PRKCG: variants seen among roughly 807,000 people sequenced by gnomAD.
PRKCG encodes the protein protein kinase C gamma type.
PRKCG carries 28 observed loss-of-function variants against 82.0 expected under a neutral mutation model. The ratio of observed to expected loss-of-function variants is 0.34; its 90% CI spans 0.25 to 0.47. The LOEUF is 0.47. PRKCG is among the 20% of genes least tolerant of loss of function. The pLI is 1.00. For synonymous variants in PRKCG, 383 were observed against 376.6 expected (o/e 1.02, Z -0.20); for missense variants, 640 against 952.7 (o/e 0.67, Z 4.32).
chr19:53,886,771 C>T (rs2068634527), intron 3 of PRKCG, among the ~76,000 whole-genome samples: 1 of 152,264 alleles, frequency 6.6e-6, no homozygotes, highest in Admixed American at 6.5e-5. Flanking sequence ...GGTTATTTTT[C>T]CCTGTCTATC....
chr19:53,885,918 G>T (rs1363567176), intron 3 of PRKCG, among the ~76,000 whole-genome samples: 2 of 148,116 alleles, frequency 1.4e-5, no homozygotes, highest in East Asian at 2.0e-4. Flanking sequence ...CACTCATCAA[G>T]ATTTTTTTTT....
Position 53,886,587 on chromosome 19 carries a change from T to A in PRKCG, c.285+2344T>A, listed in dbSNP as rs565183656. On this transcript the variant is annotated intron_variant, in intron 3 of 17. Coordinates refer to ENST00000263431, the MANE Select transcript of PRKCG (RefSeq NM_002739.5). Reference sequence around the variant, plus strand: ...CCTAGCTAATTAAAAAAAAATGTTTTTGTAGAGATGGAGTCTCACTCACTA... The same window carrying A: ...CCTAGCTAATTAAAAAAAAATGTTTATGTAGAGATGGAGTCTCACTCACTA... 1.6e-4 allele frequency among the ~76,000 whole-genome samples: 25 copies of A among 152,170 alleles called. No homozygotes were observed. In the East Asian group the frequency reaches 4.7e-3, roughly 28 times the overall value.
chr19:53,897,138 A>T (rs1352395306), intron 9 of PRKCG, among the ~76,000 whole-genome samples: 4 of 152,220 alleles, frequency 2.6e-5, no homozygotes, highest in Admixed American at 2.6e-4. Flanking sequence ...TGTCAGTCTC[A>T]GCCTGGCTCT....
At position 53,906,174 on chromosome 19, in the gene PRKCG, C is replaced by A. The variant is rs1156459078; in HGVS notation, c.1765-143C>A. On this transcript the variant is annotated intron_variant, in intron 16 of 17. Transcript: ENST00000263431. ...CCTTCCTCCCTCCATTTGCCTGTTT[C>A]CCCTGGCTGTTCTTATCTCTCCGGA... 12 of 992,066 alleles carry A rather than the reference C, an allele frequency of 1.2e-5. No individual in the cohort carries two copies. In the East Asian group the frequency reaches 3.4e-4, roughly 28 times the overall value. 61.5% of individuals were successfully genotyped at this position (992,066 alleles called of 1,614,324 possible).
At position 53,892,535 on chromosome 19, in the gene PRKCG, G is replaced by A. The variant is rs932630780; in HGVS notation, c.713G>A (p.Arg238His). Residue 238 changes from arginine to histidine, a missense_variant, in exon 7 of 18, where the codon CGC becomes CAC. Transcript: ENST00000263431. This position sits in a 1 kb window ranked among gnomAD's most constrained non-coding sequence, Gnocchi z 5.9. ...AACCTGAAGCCAGGGGATGTGGAGC[G>A]CCGGCTCAGCGTGGAGGTGTGGGAC... ...VFNLKPGDVE[R>H]RLSVEVWDWD... The A allele has an allele frequency of 3.5e-5, 56 of 1,612,726 alleles. No individual in the cohort carries two copies. The highest frequency in any genetic ancestry group is 4.5e-5 in the Non-Finnish European group (53 of 1,179,810).
chr19:53,881,917 G>A, upstream of PRKCG: 1 of 172,530 alleles, frequency 5.8e-6, no homozygotes, highest in Non-Finnish European at 1.2e-5. Flanking sequence ...GGAAGGAGAG[G>A]GGCAGGGTCA....
chr19:53,898,368 C>T (rs2068732737), intron 10 of PRKCG, 72 bp from the exon 11 acceptor site: 1 of 1,583,522 alleles, frequency 6.3e-7, no homozygotes, highest in Non-Finnish European at 8.7e-7. Context: ...CCCTGCGTCC[C>T]TTAGGGAGGG....
Position 53,882,358 on chromosome 19 carries a change from A to G in PRKCG, c.-137A>G. The G allele has an allele frequency of 7.7e-7, 1 of 1,295,606 alleles. No individual in the cohort carries two copies. The highest frequency in any genetic ancestry group is 1.1e-6 in the Non-Finnish European group (1 of 935,036). 80.3% of individuals were successfully genotyped at this position (1,295,606 alleles called of 1,614,324 possible). ...CCTGCCTGGCGCGCTCCGCACCTGG[A>G]GGTGCCTTGCCCCTCTCCTGCCCAC... On this transcript the variant is annotated 5_prime_UTR_variant, in exon 1 of 18. Coordinates refer to ENST00000263431, the MANE Select transcript of PRKCG (RefSeq NM_002739.5). This position sits in a 1 kb window ranked among gnomAD's most constrained non-coding sequence, Gnocchi z 6.1.
At position 53,906,341 on chromosome 19, in the gene PRKCG, C is replaced by T; in HGVS notation, c.1789C>T (p.Arg597Cys). 1.9e-6 allele frequency: 3 copies of T among 1,551,696 alleles called. No homozygotes were observed. The highest frequency in any genetic ancestry group is 2.6e-6 in the Non-Finnish European group (3 of 1,147,070). The stretch of plus-strand genomic sequence containing the variant: ...GTTCCTGACCAAGCACCCAGGGAAG[C>T]GCCTGGGCTCAGGGCCTGATGGGGA... ...KGFLTKHPGK[R>C]LGSGPDGEPT... The change falls in exon 17 of 18, where the codon CGC becomes TGC. Residue 597 changes from arginine to cysteine, a missense_variant. Coordinates refer to ENST00000263431, the MANE Select transcript of PRKCG (RefSeq NM_002739.5).
intron 9 of PRKCG, among the ~76,000 whole-genome samples, chr19:53,895,611 G>T (rs1182149929): frequency 6.6e-6 from 1 of 152,148 alleles, no homozygotes; most frequent in African/African-American, 2.4e-5. Context: ...TGTGTGTGGG[G>T]GTTCACCTGC....
intron 3 of PRKCG, among the ~76,000 whole-genome samples, chr19:53,885,990 C>T (rs1397426319): frequency 4.0e-5 from 6 of 149,298 alleles, no homozygotes; most frequent in African/African-American, 9.9e-5. Context: ...TGAACCTGAG[C>T]GGCAGAGGTT....
At position 53,884,503 on chromosome 19, in the gene PRKCG, G is replaced by A. The variant is rs1295251313; in HGVS notation, c.285+260G>A. ...ACTGAAGATGGGTGCTGCCGGGGGT[G>A]GGCTGTGATCCAGGGGTGAAGGGAT... On this transcript the variant is annotated intron_variant, in intron 3 of 17. Transcript: ENST00000263431. The surrounding 1 kb of genome is among the most constrained non-coding windows in gnomAD (Gnocchi z 4.6). Among the ~76,000 whole-genome samples, 6 of 152,144 alleles carry A rather than the reference G, an allele frequency of 3.9e-5. No individual in the cohort carries two copies. Among genetic ancestry groups the A allele is most frequent in the Admixed American group, 3.3e-4 (5 of 15,260 alleles).
Position 53,900,452 on chromosome 19 carries a change from C to T in PRKCG, c.1407C>T (p.Phe469=), listed in dbSNP as rs746663318. ...CGGCAGAAATCGCTATCGGCCTCTT[C>T]TTCCTTCACAATCAGGGCATCATCT... ...FYAAEIAIGL[F]FLHNQGIIYR... is the part of the protein sequence containing the mutation. The change falls in exon 13 of 18, where the codon TTC becomes TTT. Residue 469 remains phenylalanine, a synonymous_variant. Transcript: ENST00000263431. This position sits in a 1 kb window ranked among gnomAD's most constrained non-coding sequence, Gnocchi z 4.2. 2.5e-5 allele frequency: 40 copies of T among 1,614,074 alleles called. No individual in the cohort carries two copies. Among genetic ancestry groups the T allele is most frequent in the Non-Finnish European group, 3.1e-5 (37 of 1,180,052 alleles).
chr19:53,882,620 C>T lies in PRKCG; in HGVS notation c.126C>T (p.Phe42=). The part of the protein sequence containing the change: ...EVKSHKFTAR[F]FKQPTFCSHC... ...AGAGCCACAAGTTCACCGCTCGCTT[C>T]TTCAAGCAGCCCACCTTCTGCAGCC... The change falls in exon 1 of 18, where the codon TTC becomes TTT. Residue 42 remains phenylalanine, a synonymous_variant. Coordinates refer to ENST00000263431, the MANE Select transcript of PRKCG (RefSeq NM_002739.5). The surrounding 1 kb of genome is among the most constrained non-coding windows in gnomAD (Gnocchi z 6.1). 6.2e-7 allele frequency: 1 copy of T among 1,613,604 alleles called. No homozygotes were observed. Among genetic ancestry groups the T allele is most frequent in the Non-Finnish European group, 8.5e-7 (1 of 1,179,972 alleles).
rs1488959324 is a variant in PRKCG at position 53,892,778 on chromosome 19, ACACG to A, written c.821+139_821+142del. The A allele has an allele frequency of 1.5e-4, 136 of 928,876 alleles. No individual in the cohort carries two copies. The African/African-American group carries it at 2.3e-3, about 16-fold the overall frequency. 57.5% of individuals were successfully genotyped at this position (928,876 alleles called of 1,614,324 possible). ...CACACACACACACACACACACACAC[ACACG>A]CACACACACGCACACACCCCTCTCT... On this transcript the variant is annotated intron_variant, in intron 7 of 17. Coordinates refer to ENST00000263431, the MANE Select transcript of PRKCG (RefSeq NM_002739.5). This position sits in a 1 kb window ranked among gnomAD's most constrained non-coding sequence, Gnocchi z 5.9.
At position 53,883,326 on chromosome 19, in the gene PRKCG, G is replaced by A; in HGVS notation, c.202+132G>A. 8.9e-7 allele frequency: 1 copy of A among 1,118,740 alleles called. No individual in the cohort carries two copies. Among genetic ancestry groups the A allele is most frequent in the Non-Finnish European group, 1.3e-6 (1 of 758,968 alleles). The allele number at this position is 1,118,740 out of a possible 1,614,324, so 69.3% of individuals were successfully genotyped here. On this transcript the variant is annotated intron_variant, in intron 2 of 17. Coordinates refer to ENST00000263431, the MANE Select transcript of PRKCG (RefSeq NM_002739.5). This position sits in a 1 kb window ranked among gnomAD's most constrained non-coding sequence, Gnocchi z 5.4. ...GGGGGAGCCCGGGGCGGGGGGTGTGGCAGAGACACAGCCTGTGGTGGGGAG... is the reference window on the plus strand; with the variant it reads ...GGGGGAGCCCGGGGCGGGGGGTGTGACAGAGACACAGCCTGTGGTGGGGAG...
rs2068693216 is a variant in PRKCG, at chr19:53,893,236, G to A, written c.910-126G>A. On this transcript the variant is annotated intron_variant, in intron 8 of 17. Transcript: ENST00000263431. Reference sequence around the variant, plus strand: ...CTCTTCTAGGGGACTCGAGCCCCAGGGTCTGATGGGAATTATAGTTCCTAT... The same window carrying A: ...CTCTTCTAGGGGACTCGAGCCCCAGAGTCTGATGGGAATTATAGTTCCTAT... 38 of 1,302,052 alleles carry A rather than the reference G, an allele frequency of 2.9e-5. No individual in the cohort carries two copies. In the South Asian group the frequency reaches 4.2e-4, roughly 14 times the overall value. The allele number at this position is 1,302,052 out of a possible 1,614,324, so 80.7% of individuals were successfully genotyped here. A position where few individuals can be genotyped will look rare whatever the true frequency, so the allele number is the denominator to read the frequency against.
In PRKCG at chr19:53,906,102, TC is replaced by T. The variant is rs374655429; in HGVS notation, c.1765-214del. Reference sequence around the variant, plus strand: ...TCCTCCTCCTTCTTCTTCTTCTTCTTCTTCTTCTTCTTCTTCTTTTCTTCTC... The same window carrying T: ...TCCTCCTCCTTCTTCTTCTTCTTCTTTTCTTCTTCTTCTTCTTTTCTTCTC... On this transcript the variant is annotated intron_variant, in intron 16 of 17. Coordinates refer to ENST00000263431, the MANE Select transcript of PRKCG (RefSeq NM_002739.5). 0.018 allele frequency among the ~76,000 whole-genome samples: 1,642 copies of T among 92,618 alleles called. 89 individuals are homozygous for T. The highest frequency in any genetic ancestry group is 0.1 in the East Asian group (433 of 4,176). The allele number at this position is 92,618 out of a possible 152,430, so 60.8% of individuals were successfully genotyped here.
At chr19:53,887,497 C>CAAAAAA (rs71189894) in intron 3 of PRKCG, among the ~76,000 whole-genome samples, 1 of 14,676 alleles carries the variant, frequency 6.8e-5, no homozygotes, top group Non-Finnish European at 1.4e-4. Context: ...AACTCTGTCT[C>CAAAAAA]AAAAAAAAAA....
Sources: gnomAD v4.1 joint callset for allele counts (sites outside exome capture counted in the v4.1 genomes callset) on GRCh38, gnomAD v4.1.1 for gene constraint, Gnocchi (gnomAD v3.1) non-coding constraint, MANE v1.5 for transcripts, NCBI Gene and HGNC (gene_info 2026-07-23, HGNC 2026-07-21) for gene names.